PPM1F: variants seen among roughly 807,000 people sequenced by gnomAD.
PPM1F encodes the protein protein phosphatase, Mg2+/Mn2+ dependent 1F.
PPM1F carries 17 observed loss-of-function variants against 35.5 expected under a neutral mutation model. The observed-to-expected ratio is 0.48, with a 90% confidence interval of 0.33 to 0.72. The LOEUF is 0.72. PPM1F is among the 30% of genes least tolerant of loss of function. The pLI is 0.02. For synonymous variants in PPM1F, 241 were observed against 255.5 expected (o/e 0.94, Z 0.54); for missense variants, 521 against 613.0 (o/e 0.85, Z 1.59).
Position 21,939,492 on chromosome 22 carries a change from T to G in PPM1F, c.355+40A>C. The G allele has an allele frequency of 6.2e-7, 1 of 1,607,214 alleles. No individual in the cohort carries two copies. The highest frequency in any genetic ancestry group is 8.5e-7 in the Non-Finnish European group (1 of 1,176,348). On this transcript the variant is annotated intron_variant, in intron 3 of 7. Transcript: ENST00000263212. This position sits in a 1 kb window ranked among gnomAD's most constrained non-coding sequence, Gnocchi z 5.1. ...AATGTCGTCACCCTTTGTTGCCTGC[T>G]AAGCAGCCCTGGGGCCACCTCAGAA...
chr22:21,925,473 C>G (rs1401055609), intron 7 of PPM1F, 96 bp downstream of exon 7: 6 of 1,006,012 alleles, frequency 6.0e-6, no homozygotes, highest in Non-Finnish European at 9.2e-6. Flanking sequence ...GCCCATCACA[C>G]TGCCTCCCTG....
At chr22:21,933,038 TG>T (rs2070611571) in intron 5 of PPM1F, among the ~76,000 whole-genome samples, 1 of 152,166 alleles carries the variant, frequency 6.6e-6, no homozygotes, top group Admixed American at 6.5e-5. Context: ...TCAGGAACTG[TG>T]AGTAGTAGAC....
At chr22:21,933,957 C>T (rs2070626849) in intron 4 of PPM1F, 67 bp downstream of exon 4, 1 of 1,457,202 alleles carries the variant, frequency 6.9e-7, no homozygotes. Flanking sequence ...TTCTCGGTAC[C>T]TGGGGGGCCC....
In PPM1F at chr22:21,944,210, C is replaced by T. The variant is rs570692329; in HGVS notation, c.206+1633G>A. On this transcript the variant is annotated intron_variant, in intron 2 of 7. Transcript: ENST00000263212. ...CAAAACAAGCCAATAACACCCTTTG[C>T]GCATGCCATGACCTCATGGAGCGTG... The T allele has an allele frequency of 2.9e-3, 440 of 152,404 alleles. 1 individual carries two copies. Among genetic ancestry groups the T allele is most frequent in the Middle Eastern group, 0.014 (4 of 294 alleles). The allele number at this position is 152,404 out of a possible 1,614,324, so 9.4% of individuals were successfully genotyped here.
At chr22:21,927,993 G>A (rs1487766951) in intron 6 of PPM1F, among the ~76,000 whole-genome samples, 1 of 97,336 alleles carries the variant, frequency 1.0e-5, no homozygotes, top group Non-Finnish European at 1.9e-5. Flanking sequence ...TTGCTTTGTT[G>A]CCAAGGCTGG....
intron 7 of PPM1F, among the ~76,000 whole-genome samples, chr22:21,923,706 T>C (rs1044197140): frequency 2.6e-5 from 4 of 152,108 alleles, no homozygotes; most frequent in Non-Finnish European, 4.4e-5. Flanking sequence ...TTTTTTGAGA[T>C]GGAGTCTTGC....
At chr22:21,937,052 A>T (rs2070667833) in intron 3 of PPM1F, 1 of 152,240 alleles carries the variant, frequency 6.6e-6, no homozygotes, top group South Asian at 2.1e-4. Context: ...GACTCATGTC[A>T]CTTCAATGCA....
chr22:21,931,502 G>GTTTA (rs58214157), intron 5 of PPM1F, among the ~76,000 whole-genome samples: 17,008 of 151,372 alleles, frequency 0.11, 1,336 homozygotes, highest in South Asian at 0.23. Flanking sequence ...CAATAAAGAT[G>GTTTA]TTTATTTATT....
intron 3 of PPM1F, chr22:21,936,486 C>T (rs995912110): frequency 2.0e-5 from 3 of 152,218 alleles, no homozygotes; most frequent in Non-Finnish European, 4.4e-5. Flanking sequence ...CTTTGACTTC[C>T]CCTTTTGCGA....
intron 1 of PPM1F, chr22:21,948,879 C>G (rs1026486751): frequency 1.3e-5 from 2 of 152,434 alleles, no homozygotes; most frequent in Non-Finnish European, 2.9e-5. Context: ...CACTTCCACC[C>G]CATTTGCTGG....
In PPM1F at chr22:21,919,712, G is replaced by A. The variant is rs936331562; in HGVS notation, c.*3380C>T. ...CAGGACTCTGGGGGCTGCCCCCCTTGAGCTACAGAGGCAGAATCGAACCAA... is the reference window on the plus strand; with the variant it reads ...CAGGACTCTGGGGGCTGCCCCCCTTAAGCTACAGAGGCAGAATCGAACCAA... On this transcript the variant is annotated 3_prime_UTR_variant, in exon 8 of 8. Coordinates refer to ENST00000263212, the MANE Select transcript of PPM1F (RefSeq NM_014634.4). 4 of 152,330 alleles carry A rather than the reference G, an allele frequency of 2.6e-5. No homozygotes were observed. Among genetic ancestry groups the A allele is most frequent in the African/African-American group, 9.6e-5 (4 of 41,466 alleles). The allele number at this position is 152,330 out of a possible 1,614,324, so 9.4% of individuals were successfully genotyped here. A position where few individuals can be genotyped will look rare whatever the true frequency, so the allele number is the denominator to read the frequency against.
At chr22:21,938,318 A>ACCGG in intron 3 of PPM1F, 1 of 1,216,282 alleles carries the variant, frequency 8.2e-7, no homozygotes, top group Non-Finnish European at 1.1e-6. Context: ...AGCAGCTGCC[A>ACCGG]CCGGCCGGAA....
rs1000501721 is a variant in PPM1F, at chr22:21,938,267, G to A, written c.355+1265C>T. The A allele has an allele frequency of 7.0e-6, 9 of 1,283,824 alleles. 1 individual carries two copies. In the South Asian group the frequency reaches 7.5e-5, roughly 11 times the overall value. 79.5% of individuals were successfully genotyped at this position (1,283,824 alleles called of 1,614,324 possible). A position where few individuals can be genotyped will look rare whatever the true frequency, so the allele number is the denominator to read the frequency against. On this transcript the variant is annotated intron_variant, in intron 3 of 7. Transcript: ENST00000263212. ...CCCATCAGGCGGGGAGGGCCTGGGC[G>A]GTGGCGGCGCCCCCTTGGTGGGGCC...
At chr22:21,947,906 A>G (rs2070793076) in intron 1 of PPM1F, 1 of 152,250 alleles carries the variant, frequency 6.6e-6, no homozygotes, top group Admixed American at 6.5e-5. Flanking sequence ...AGGTCCCAGC[A>G]CCAAGTTAAA....
intron 4 of PPM1F, 69 bp from the exon 5 acceptor site, chr22:21,933,648 G>A: frequency 7.2e-7 from 1 of 1,383,612 alleles, no homozygotes; most frequent in Admixed American, 1.8e-5. Flanking sequence ...CGTGGCGCCA[G>A]GCACTGATGG....
chr22:21,950,996 A>T (rs938654125), intron 1 of PPM1F: 2 of 152,162 alleles, frequency 1.3e-5, no homozygotes, highest in African/African-American at 4.8e-5. Flanking sequence ...GTTAGATGTA[A>T]ATCCTAGATT....
intron 6 of PPM1F, among the ~76,000 whole-genome samples, 194 bp downstream of exon 6, chr22:21,930,954 G>A (rs778038083): frequency 6.6e-6 from 1 of 152,194 alleles, no homozygotes; most frequent in East Asian, 1.9e-4. Flanking sequence ...GCTCCATATA[G>A]CTGTGACCCA....
rs903447966 is a variant in PPM1F at position 21,938,489 on chromosome 22, G to A, written c.355+1043C>T. ...AGCGCGGGCACCCACTGATGCTGGCGGCCTCGGGTATTCGCTTTCTCTCTC... is the reference window on the plus strand; with the variant it reads ...AGCGCGGGCACCCACTGATGCTGGCAGCCTCGGGTATTCGCTTTCTCTCTC... On this transcript the variant is annotated intron_variant, in intron 3 of 7. Transcript: ENST00000263212. 32 of 1,100,974 alleles carry A rather than the reference G, an allele frequency of 2.9e-5. 1 individual carries two copies. In the African/African-American group the frequency reaches 5.1e-4, roughly 18 times the overall value. 68.2% of individuals were successfully genotyped at this position (1,100,974 alleles called of 1,614,324 possible). A position where few individuals can be genotyped will look rare whatever the true frequency, so the allele number is the denominator to read the frequency against.
At chr22:21,925,426 CGAGG>C (rs780138831) in intron 7 of PPM1F, 139 bp downstream of exon 7, 1 of 658,838 alleles carries the variant, frequency 1.5e-6, no homozygotes, top group Non-Finnish European at 2.8e-6. Context: ...CTTCACACTA[CGAGG>C]GTATCACCCC....
Sources: allele counts gnomAD v4.1 joint callset (sites outside exome capture counted in the v4.1 genomes callset), GRCh38; gene constraint gnomAD v4.1.1; non-coding constraint Gnocchi (gnomAD v3.1); transcripts MANE v1.5; gene names NCBI Gene and HGNC (gene_info 2026-07-23, HGNC 2026-07-21).